Variants in ADAMTS9 observed in about 807,000 individuals in gnomAD.
ADAMTS9 encodes the protein A disintegrin and metalloproteinase with thrombospondin motifs 9.
ADAMTS9 carries 107 observed loss-of-function variants against 257.1 expected under a neutral mutation model. The observed-to-expected ratio is 0.42, with a 90% CI of 0.36 to 0.49. ADAMTS9 has a LOEUF of 0.49. Among genes scored for constraint, ADAMTS9 ranks in the 20% least tolerant of loss-of-function variants. The pLI is 0.03. For synonymous variants in ADAMTS9, 982 were observed against 880.9 expected (o/e 1.11, Z -2.03); for missense variants, 2,353 against 2,469.1 (o/e 0.95, Z 1.00).
intron 29 of ADAMTS9, among the ~76,000 whole-genome samples, chr3:64,566,964 G>A (rs139627802): frequency 7.4e-4 from 112 of 152,038 alleles, no homozygotes; most frequent in African/African-American, 2.6e-3. Flanking sequence ...GCTCCCCGAA[G>A]GAAGGCAAAG....
intron 37 of ADAMTS9, among the ~76,000 whole-genome samples, chr3:64,534,800 T>G (rs1203168316): frequency 1.3e-5 from 2 of 151,976 alleles, no homozygotes; most frequent in African/African-American, 4.8e-5. Context: ...ATGGTGCTGC[T>G]GTTGGCATCT....
chr3:64,600,767 C>A (rs751808396), intron 26 of ADAMTS9, among the ~76,000 whole-genome samples: 1 of 152,170 alleles, frequency 6.6e-6, no homozygotes, highest in African/African-American at 2.4e-5. Context: ...CTGCACACAA[C>A]CAGCAAAGAC....
intron 4 of ADAMTS9, among the ~76,000 whole-genome samples, chr3:64,656,745 G>A (rs530969825): frequency 2.0e-5 from 3 of 152,050 alleles, no homozygotes; most frequent in Non-Finnish European, 1.5e-5. Flanking sequence ...GGGACTGAGC[G>A]GCATGTGGGG....
In ADAMTS9 at chr3:64,631,251, T is replaced by C. The variant is rs548845567; in HGVS notation, c.2389+204A>G. On this transcript the variant is annotated intron_variant, in intron 16 of 39. Transcript: ENST00000498707. ...GAGTAAATCCCTTGATATCAAATAG[T>C]GCAGCTACACAACTTTTCAATCAAT... 3.0e-4 allele frequency among the ~76,000 whole-genome samples: 45 copies of C among 152,290 alleles called. No individual in the cohort carries two copies. The Middle Eastern group carries it at 0.01, about 35-fold the overall frequency.
intron 28 of ADAMTS9, among the ~76,000 whole-genome samples, chr3:64,591,853 C>A (rs2084265228): frequency 6.6e-6 from 1 of 152,062 alleles, no homozygotes; most frequent in Non-Finnish European, 1.5e-5. Flanking sequence ...ACCCTTGGTC[C>A]CTAATAAATC....
At chr3:64,517,821 A>G (rs2082799939) in intron 39 of ADAMTS9, among the ~76,000 whole-genome samples, 1 of 152,122 alleles carries the variant, frequency 6.6e-6, no homozygotes, top group Non-Finnish European at 1.5e-5. Context: ...GGTGATCTCT[A>G]GTGGATACCT....
chr3:64,633,170 T>C (rs1285614723), intron 14 of ADAMTS9, among the ~76,000 whole-genome samples: 3 of 152,184 alleles, frequency 2.0e-5, no homozygotes, highest in Non-Finnish European at 4.4e-5. Context: ...GCACTGAGTT[T>C]ATAGCAAAGG....
At chr3:64,574,218 C>T (rs1157296490) in intron 28 of ADAMTS9, among the ~76,000 whole-genome samples, 1 of 152,172 alleles carries the variant, frequency 6.6e-6, no homozygotes, top group African/African-American at 2.4e-5. Context: ...AGCAGAACTC[C>T]TGAAAATCAT....
intron 28 of ADAMTS9, among the ~76,000 whole-genome samples, 162 bp downstream of exon 28, chr3:64,594,096 T>C (rs1212961138): frequency 1.3e-5 from 2 of 152,018 alleles, no homozygotes; most frequent in East Asian, 3.9e-4. Context: ...TCATAAAAAG[T>C]TAATTCTATT....
At chr3:64,621,309 T>C (rs750840858) in intron 18 of ADAMTS9, 69 bp from the exon 19 acceptor site, 99 of 1,501,516 alleles carry the variant, frequency 6.6e-5, no homozygotes, top group Non-Finnish European at 4.6e-5. Context: ...AGACCCCGGA[T>C]TGGCAAGCAT....
At chr3:64,542,683 C>A (rs1195847134) in intron 32 of ADAMTS9, among the ~76,000 whole-genome samples, 2 of 152,046 alleles carry the variant, frequency 1.3e-5, no homozygotes, top group African/African-American at 4.8e-5. Context: ...AAAATTGACA[C>A]CCTGACATCA....
intron 30 of ADAMTS9, among the ~76,000 whole-genome samples, chr3:64,555,719 G>T (rs1186320216): frequency 3.3e-5 from 5 of 152,180 alleles, no homozygotes; most frequent in Admixed American, 6.5e-5. Context: ...GCAGGAGAAT[G>T]ATGGAGGACA....
At chr3:64,531,429 G>A (rs2082979663) in intron 38 of ADAMTS9, among the ~76,000 whole-genome samples, 1 of 151,196 alleles carries the variant, frequency 6.6e-6, no homozygotes, top group Non-Finnish European at 1.5e-5. Context: ...CCCATGTAGT[G>A]ATAACAGTAC....
intron 22 of ADAMTS9, among the ~76,000 whole-genome samples, chr3:64,608,633 C>T (rs890356712): frequency 6.6e-6 from 1 of 151,990 alleles, no homozygotes; most frequent in South Asian, 2.1e-4. Context: ...AGTAAAATGA[C>T]TGAATCATTA....
chr3:64,630,971 T>A (rs887490624), intron 16 of ADAMTS9, among the ~76,000 whole-genome samples: 1 of 152,034 alleles, frequency 6.6e-6, no homozygotes, highest in Non-Finnish European at 1.5e-5. Flanking sequence ...TTGAGAAAAA[T>A]ACGTGTCACC....
intron 28 of ADAMTS9, chr3:64,584,179 T>G (rs925139843): frequency 6.6e-6 from 1 of 152,156 alleles, no homozygotes; most frequent in Admixed American, 6.6e-5. Context: ...GCTTTCATTT[T>G]CAAAGGAATC....
intron 7 of ADAMTS9, 28 bp downstream of exon 7, chr3:64,654,544 C>T: frequency 6.2e-7 from 1 of 1,613,790 alleles, no homozygotes; most frequent in Non-Finnish European, 8.5e-7. Flanking sequence ...ACGGTTTTAG[C>T]CATAGAAGAT....
At chr3:64,517,373 G>A (rs2082787679) in intron 39 of ADAMTS9, among the ~76,000 whole-genome samples, 2 of 140,868 alleles carry the variant, frequency 1.4e-5, no homozygotes, top group South Asian at 4.7e-4. Context: ...CCAAGTAGCT[G>A]GGTCTACAGG....
chr3:64,521,401 A>G (rs1343308362), intron 39 of ADAMTS9: 5 of 152,190 alleles, frequency 3.3e-5, no homozygotes, highest in Non-Finnish European at 7.3e-5. Flanking sequence ...TTAAAGAACT[A>G]AAAATATAAC....
Sources: allele counts gnomAD v4.1 joint callset (sites outside exome capture counted in the v4.1 genomes callset), GRCh38; gene constraint gnomAD v4.1.1; transcripts MANE v1.5; gene names NCBI Gene and HGNC (gene_info 2026-07-23, HGNC 2026-07-21).